LONP2: variants seen among roughly 807,000 people sequenced by gnomAD.
The protein encoded by LONP2 is lon peptidase 2, peroxisomal.
In LONP2, 60 loss-of-function variants were observed where a neutral mutation model predicts 85.6. The ratio of observed to expected loss-of-function variants is 0.70; its 90% CI spans 0.57 to 0.87. The LOEUF is 0.87. Among genes scored for constraint, LONP2 ranks in the 40% least tolerant of loss-of-function variants. The probability of loss-of-function intolerance (pLI) is 0.00; values close to 1 mark genes in which losing one functional copy is unlikely to be tolerated. For synonymous variants in LONP2, 395 were observed against 389.7 expected, an observed-to-expected ratio of 1.01 and a Z score of -0.16; for missense variants, 860 against 1,063.5, an observed-to-expected ratio of 0.81 and a Z score of 2.66.
intron 11 of LONP2, among the ~76,000 whole-genome samples, chr16:48,309,994 A>C (rs1270201698): frequency 1.3e-5 from 2 of 151,286 alleles, no homozygotes; most frequent in Non-Finnish European, 2.9e-5. Context: ...CAGTTTTGGG[A>C]GTATATACTT....
intron 12 of LONP2, among the ~76,000 whole-genome samples, chr16:48,341,258 C>T (rs1040859295): frequency 6.6e-6 from 1 of 152,102 alleles, no homozygotes; most frequent in Non-Finnish European, 1.5e-5. Flanking sequence ...TGAGATCGTG[C>T]CACTGCACTC....
At chr16:48,285,953 C>T (rs1379902096) in intron 8 of LONP2, among the ~76,000 whole-genome samples, 3 of 151,964 alleles carry the variant, frequency 2.0e-5, no homozygotes, top group Non-Finnish European at 4.4e-5. Flanking sequence ...TTTCTTTCTC[C>T]CTCCCTCAGT....
chr16:48,308,606 G>T (rs1186673427), intron 11 of LONP2, among the ~76,000 whole-genome samples: 1 of 146,634 alleles, frequency 6.8e-6, no homozygotes, highest in Non-Finnish European at 1.5e-5. Context: ...CAGTGTAGGG[G>T]TATCGCAGCG....
chr16:48,251,295 A>G (rs1348769964), intron 1 of LONP2, among the ~76,000 whole-genome samples: 4 of 152,056 alleles, frequency 2.6e-5, no homozygotes, highest in African/African-American at 7.2e-5. Flanking sequence ...AGAAAATATT[A>G]TTTATTTTGG....
At chr16:48,281,411 C>T (rs529282574) in intron 8 of LONP2, among the ~76,000 whole-genome samples, 1 of 152,188 alleles carries the variant, frequency 6.6e-6, no homozygotes. Context: ...ATAGGTCCAA[C>T]TACTTAATTA....
chr16:48,295,767 CTG>C (rs1359791283), intron 8 of LONP2, among the ~76,000 whole-genome samples: 1 of 152,230 alleles, frequency 6.6e-6, no homozygotes, highest in African/African-American at 2.4e-5. Context: ...AAGCTTGAAA[CTG>C]TAATTTCTGC....
At chr16:48,251,095 A>G (rs1387564020) in intron 1 of LONP2, among the ~76,000 whole-genome samples, 1 of 152,226 alleles carries the variant, frequency 6.6e-6, no homozygotes, top group Non-Finnish European at 1.5e-5. Flanking sequence ...TTTATAAGGA[A>G]GTAATCAAGA....
At chr16:48,333,103 G>T (rs187709833) in intron 11 of LONP2, among the ~76,000 whole-genome samples, 1 of 152,080 alleles carries the variant, frequency 6.6e-6, no homozygotes, top group Admixed American at 6.5e-5. Flanking sequence ...GAATGAGATC[G>T]AATACAGCCA....
intron 11 of LONP2, among the ~76,000 whole-genome samples, chr16:48,315,360 G>A (rs959966222): frequency 2.0e-5 from 3 of 152,192 alleles, no homozygotes; most frequent in African/African-American, 2.4e-5. Flanking sequence ...CACAGACTGG[G>A]TAATTTTAAA....
At chr16:48,360,143 C>T (rs933985978), downstream of LONP2, among the ~76,000 whole-genome samples, 1 of 152,206 alleles carries the variant, frequency 6.6e-6, no homozygotes, top group Non-Finnish European at 1.5e-5. Flanking sequence ...AACTGGGGCC[C>T]AAGGTCACAC....
intron 11 of LONP2, among the ~76,000 whole-genome samples, chr16:48,331,690 G>T (rs769976321): frequency 1.3e-5 from 2 of 151,362 alleles, no homozygotes; most frequent in South Asian, 2.1e-4. Flanking sequence ...TCAGCCTCCC[G>T]AGTAGCTGGG....
Position 48,277,358 on chromosome 16 carries a change from T to A in LONP2, c.1262T>A (p.Met421Lys). Residue 421 changes from methionine (M) to lysine (K), a missense_variant, in exon 8 of 15, where the codon ATG (methionine) becomes AAG (lysine). Coordinates refer to ENST00000285737, the MANE Select transcript of LONP2 (RefSeq NM_031490.5). ...RGHRRTYVGS[M>K]PGRIINGLKT... ...TCTAGGCGCACCTATGTTGGCAGCA[T>A]GCCTGGTCGCATCATCAACGGCTTG... 1 of 1,613,690 alleles carries A rather than the reference T, an allele frequency of 6.2e-7. No homozygotes were observed. The highest frequency in any genetic ancestry group is 8.5e-7 in the Non-Finnish European group (1 of 1,179,772).
At chr16:48,315,243 C>CT (rs1277879399) in intron 11 of LONP2, among the ~76,000 whole-genome samples, 1 of 152,198 alleles carries the variant, frequency 6.6e-6, no homozygotes, top group Non-Finnish European at 1.5e-5. Context: ...GCCTGTTTGA[C>CT]TTTGTTAACA....
At chr16:48,268,411 G>GTACGCATTATAACAA in intron 6 of LONP2, among the ~76,000 whole-genome samples, 1 of 151,944 alleles carries the variant, frequency 6.6e-6, no homozygotes, top group African/African-American at 2.4e-5. Context: ...TACCTTTTTA[G>GTACGCATTATAACAA]GTACAAGATG....
chr16:48,280,907 A>G (rs74016396), intron 8 of LONP2, among the ~76,000 whole-genome samples: 2,083 of 152,312 alleles, frequency 0.014, 47 homozygotes, highest in African/African-American at 0.047. Context: ...TTCTGTGTCC[A>G]TTTTGAAAGC....
At chr16:48,284,179 A>C (rs984388941) in intron 8 of LONP2, among the ~76,000 whole-genome samples, 3 of 152,206 alleles carry the variant, frequency 2.0e-5, no homozygotes, top group Admixed American at 6.5e-5. Context: ...CTTGAAATGG[A>C]ATCTAGTCCT....
At chr16:48,360,904 C>T (rs1960558069), downstream of LONP2, 1 of 152,024 alleles carries the variant, frequency 6.6e-6, no homozygotes, top group South Asian at 2.1e-4. Context: ...CATGGCTTCA[C>T]AAAATAGCTG....
At chr16:48,281,732 G>C (rs2150985057) in intron 8 of LONP2, among the ~76,000 whole-genome samples, 1 of 152,224 alleles carries the variant, frequency 6.6e-6, no homozygotes, top group Middle Eastern at 3.4e-3. Context: ...AAATAGAGAA[G>C]TCACTAGTCT....
chr16:48,274,048 T>C (rs1972155975), intron 7 of LONP2, among the ~76,000 whole-genome samples: 1 of 152,228 alleles, frequency 6.6e-6, no homozygotes, highest in African/African-American at 2.4e-5. Context: ...TGTATTTTTT[T>C]AGCATAGTGT....
Sources: allele counts gnomAD v4.1 joint callset (sites outside exome capture counted in the v4.1 genomes callset), GRCh38; gene constraint gnomAD v4.1.1; transcripts MANE v1.5; gene names NCBI Gene and HGNC (gene_info 2026-07-23, HGNC 2026-07-21).